The following DEUP1 variants were observed in gnomAD, a reference collection of about 807,000 sequenced individuals.
The protein encoded by DEUP1 is coiled-coil domain containing 67.
In DEUP1, 82 loss-of-function variants were observed where a neutral mutation model predicts 87.4. The observed-to-expected ratio is 0.94, with a 90% CI of 0.78 to 1.13. The LOEUF (loss-of-function observed/expected upper bound fraction) is 1.13, where lower values mean the gene tolerates loss of function less well. Among genes scored for constraint, DEUP1 ranks in the 50% most tolerant of loss-of-function variants. The pLI is 0.00. For synonymous variants in DEUP1, 214 were observed against 222.7 expected (o/e 0.96, Z 0.35); for missense variants, 663 against 681.5 (o/e 0.97, Z 0.30).
chr11:93,392,157 T>TA (rs1421795206), intron 9 of DEUP1, among the ~76,000 whole-genome samples: 3 of 152,190 alleles, frequency 2.0e-5, no homozygotes, highest in Non-Finnish European at 4.4e-5. Context: ...TGCCATCCCC[T>TA]AAAACACAGC....
At chr11:93,387,517 G>A (rs1250947637) in intron 8 of DEUP1, among the ~76,000 whole-genome samples, 1 of 151,830 alleles carries the variant, frequency 6.6e-6, no homozygotes, top group African/African-American at 2.4e-5. Flanking sequence ...TCATACTCTT[G>A]TTCTACATGA....
chr11:93,407,585 T>G (rs953882281), intron 11 of DEUP1, among the ~76,000 whole-genome samples: 2 of 152,124 alleles, frequency 1.3e-5, no homozygotes, highest in South Asian at 2.1e-4. Context: ...ATATAACTGT[T>G]AATAGCAGTT....
chr11:93,338,182 A>C (rs2134153758), intron 2 of DEUP1, among the ~76,000 whole-genome samples: 1 of 152,294 alleles, frequency 6.6e-6, no homozygotes, highest in Non-Finnish European at 1.5e-5. Context: ...TGAACTCAAG[A>C]AGCAGAAGGA....
chr11:93,404,693 A>G (rs1207572055), intron 11 of DEUP1, among the ~76,000 whole-genome samples: 8 of 152,072 alleles, frequency 5.3e-5, no homozygotes. Flanking sequence ...GTAAATGAGC[A>G]CCAGGAGGTT....
chr11:93,356,067 G>A, intron 3 of DEUP1, among the ~76,000 whole-genome samples: 1 of 149,046 alleles, frequency 6.7e-6, no homozygotes, highest in South Asian at 2.2e-4. Flanking sequence ...CAAGCTGGTG[G>A]TCATAGAAGA....
Position 93,357,061 on chromosome 11 carries a change from A to C in DEUP1, c.297+18A>C, listed in dbSNP as rs1336989165. 8 of 1,373,944 alleles carry C rather than the reference A, an allele frequency of 5.8e-6. No individual in the cohort carries two copies. The highest frequency in any genetic ancestry group is 2.0e-4 in the Middle Eastern group (1 of 5,102). The allele number at this position is 1,373,944 out of a possible 1,614,324, so 85.1% of individuals were successfully genotyped here. A position where few individuals can be genotyped will look rare whatever the true frequency, so the allele number is the denominator to read the frequency against. ...AGGCTCAAGTAAGAAAACTTATTAT[A>C]ATTTAATATCACACATTTTGATATA... is the stretch of plus-strand genomic sequence containing the variant. On this transcript the variant is annotated intron_variant, in intron 4 of 13. Coordinates refer to ENST00000298050, the MANE Select transcript of DEUP1 (RefSeq NM_181645.4).
intron 7 of DEUP1, 48 bp downstream of exon 7, chr11:93,371,328 A>G (rs1373497318): frequency 6.5e-7 from 1 of 1,546,706 alleles, no homozygotes; most frequent in Non-Finnish European, 8.8e-7. Flanking sequence ...ACTTGTATAA[A>G]TGGTAACACA....
intron 13 of DEUP1, among the ~76,000 whole-genome samples, chr11:93,418,887 A>G (rs1452847492): frequency 2.0e-5 from 3 of 151,774 alleles, no homozygotes; most frequent in Non-Finnish European, 4.4e-5. Context: ...TTGTAGGGAT[A>G]TGGATGAAGT....
chr11:93,352,592 T>C, intron 2 of DEUP1: 1 of 590,828 alleles, frequency 1.7e-6, no homozygotes. Flanking sequence ...TTAGTTTGTT[T>C]TCATGCTGCT....
intron 2 of DEUP1, among the ~76,000 whole-genome samples, chr11:93,335,363 C>T (rs1943702909): frequency 6.6e-6 from 1 of 152,106 alleles, no homozygotes; most frequent in Non-Finnish European, 1.5e-5. Context: ...CATGTATGTT[C>T]TCTTTTGGTT....
At chr11:93,372,219 C>T (rs900764983) in intron 7 of DEUP1, among the ~76,000 whole-genome samples, 5 of 152,312 alleles carry the variant, frequency 3.3e-5, no homozygotes, top group East Asian at 3.9e-4. Context: ...TGAGCCACCG[C>T]GCCCGGCCCA....
chr11:93,418,925 C>A (rs1004005691), intron 13 of DEUP1, among the ~76,000 whole-genome samples: 3 of 150,628 alleles, frequency 2.0e-5, no homozygotes, highest in South Asian at 4.2e-4. Flanking sequence ...AGTAAACTAT[C>A]GCAAGAACAA....
At chr11:93,392,894 G>A (rs1488246588) in intron 9 of DEUP1, among the ~76,000 whole-genome samples, 1 of 151,764 alleles carries the variant, frequency 6.6e-6, no homozygotes, top group African/African-American at 2.4e-5. Flanking sequence ...CACTCACTGA[G>A]CTCTTTGCCT....
Position 93,438,019 on chromosome 11 carries a change from T to C in DEUP1, c.*300T>C, listed in dbSNP as rs916016229. 14 of 227,432 alleles carry C rather than the reference T, an allele frequency of 6.2e-5. No homozygotes were observed. Among genetic ancestry groups the C allele is most frequent in the African/African-American group, 9.4e-5 (4 of 42,432 alleles). 14.1% of individuals were successfully genotyped at this position (227,432 alleles called of 1,614,324 possible). A position where few individuals can be genotyped will look rare whatever the true frequency, so the allele number is the denominator to read the frequency against. On this transcript the variant is annotated 3_prime_UTR_variant, in exon 14 of 14. Coordinates refer to ENST00000298050, the MANE Select transcript of DEUP1 (RefSeq NM_181645.4). ...TTGGAATCAAATATGCAGTTTTTTT[T>C]CCCCACTTGAATCATGTATACTGAA...
chr11:93,359,088 AAAAG>A (rs1488863640), intron 4 of DEUP1, among the ~76,000 whole-genome samples: 2 of 152,228 alleles, frequency 1.3e-5, no homozygotes, highest in Non-Finnish European at 2.9e-5. Flanking sequence ...AAAAGAGAGA[AAAAG>A]AAAAGTACTA....
At chr11:93,402,779 A>G (rs866903883) in intron 11 of DEUP1, among the ~76,000 whole-genome samples, 5 of 152,044 alleles carry the variant, frequency 3.3e-5, no homozygotes, top group African/African-American at 1.2e-4. Flanking sequence ...AGAAAGACAA[A>G]TATTGCATGT....
intron 2 of DEUP1, among the ~76,000 whole-genome samples, chr11:93,337,204 C>T (rs970587854): frequency 6.6e-5 from 10 of 152,146 alleles, no homozygotes; most frequent in Admixed American, 6.5e-5. Context: ...TAAAACTATA[C>T]TCTTTTTGTG....
intron 11 of DEUP1, among the ~76,000 whole-genome samples, chr11:93,406,631 A>G (rs573833396): frequency 6.3e-4 from 96 of 151,974 alleles, no homozygotes; most frequent in African/African-American, 1.7e-3. Flanking sequence ...AAAAATTGTA[A>G]AAAACTTTGT....
chr11:93,332,116 A>T, intron 1 of DEUP1, 100 bp from the exon 2 acceptor site: 1 of 639,946 alleles, frequency 1.6e-6, no homozygotes, highest in East Asian at 2.8e-5. Context: ...TACACAGAAA[A>T]ACTCATACTA....
Sources: gnomAD v4.1 joint callset for allele counts (sites outside exome capture counted in the v4.1 genomes callset) on GRCh38, gnomAD v4.1.1 for gene constraint, MANE v1.5 for transcripts, NCBI Gene and HGNC (gene_info 2026-07-23, HGNC 2026-07-21) for gene names.